CSMD1: variants seen among roughly 807,000 people sequenced by gnomAD.
CSMD1 encodes the protein CUB and sushi domain-containing protein 1.
In CSMD1, 213 loss-of-function variants were observed where a neutral mutation model predicts 417.5. The ratio of observed to expected loss-of-function variants is 0.51; its 90% CI spans 0.46 to 0.57. The LOEUF (loss-of-function observed/expected upper bound fraction) is 0.57. CSMD1 is among the 20% of genes least tolerant of loss of function. CSMD1 has a pLI of 0.00. For synonymous variants in CSMD1, 2,862 were observed against 1,736.8 expected, an observed-to-expected ratio of 1.65 and a Z score of -16.11; for missense variants, 6,923 against 4,529.7, an observed-to-expected ratio of 1.53 and a Z score of -15.17.
chr8:3,881,363 C>G lies in CSMD1; in HGVS notation c.818+116540G>C, dbSNP rs144497493. Among the ~76,000 whole-genome samples, 3 of 150,996 alleles carry G rather than the reference C, an allele frequency of 2.0e-5. No individual in the cohort carries two copies. In the Middle Eastern group the frequency reaches 0.01, roughly 514 times the overall value. On this transcript the variant is annotated intron_variant, in intron 5 of 69. Transcript: ENST00000635120. The stretch of plus-strand genomic sequence containing the variant: ...ATAAAAAGCAAGTTGGGGCCGGGTG[C>G]GGTGGCTTATGCCTATAATCCCAGC...
At position 3,464,302 on chromosome 8, in the gene CSMD1, G is replaced by A. The variant is rs538066063; in HGVS notation, c.1561+4410C>T. 2.7e-4 allele frequency among the ~76,000 whole-genome samples: 41 copies of A among 152,202 alleles called. 1 individual carries two copies. In the South Asian group the frequency reaches 7.1e-3, roughly 26 times the overall value. On this transcript the variant is annotated intron_variant, in intron 12 of 69. Transcript: ENST00000635120. ...GTGGGACCACTACAATAGCAAACAT[G>A]TAATTGCTTATAAAAATATCCAGGG...
At chr8:3,170,278 G>T (rs150787348) in intron 37 of CSMD1, among the ~76,000 whole-genome samples, 4,345 of 152,236 alleles carry the variant, frequency 0.029, 264 homozygotes, top group East Asian at 0.19. Context: ...TGTGATCTTG[G>T]CTCACTGCAA....
intron 3 of CSMD1, among the ~76,000 whole-genome samples, chr8:4,330,139 T>C (rs1799784946): frequency 6.6e-6 from 1 of 151,788 alleles, no homozygotes. Context: ...GACTTCACAA[T>C]GAGTAGTATC....
At chr8:3,264,522 G>A (rs927333681) in intron 26 of CSMD1, among the ~76,000 whole-genome samples, 2 of 152,150 alleles carry the variant, frequency 1.3e-5, no homozygotes, top group African/African-American at 4.8e-5. Flanking sequence ...ACTGCACACT[G>A]AATCATTTAC....
intron 1 of CSMD1, among the ~76,000 whole-genome samples, chr8:4,688,035 A>G (rs1806502201): frequency 6.6e-6 from 1 of 152,060 alleles, no homozygotes; most frequent in African/African-American, 2.4e-5. Flanking sequence ...CCATTTTTAG[A>G]TGATATCTAA....
At chr8:4,788,516 T>G in intron 1 of CSMD1, 1 of 1,415,592 alleles carries the variant, frequency 7.1e-7, no homozygotes, top group Non-Finnish European at 9.9e-7. Context: ...GAGCAAACTG[T>G]GAGCAAGCAT....
chr8:4,751,339 C>T lies in CSMD1; in HGVS notation c.86-113781G>A, dbSNP rs370298319. On this transcript the variant is annotated intron_variant, in intron 1 of 69. Coordinates refer to ENST00000635120, the MANE Select transcript of CSMD1 (RefSeq NM_033225.6). ...AGTGGAGGTTGCAGTGAGAGTGAGC[C>T]GAGATAGCGCCACTGCACTCCAGCC... 7.3e-5 allele frequency among the ~76,000 whole-genome samples: 11 copies of T among 151,586 alleles called. No homozygotes were observed. In the East Asian group the frequency reaches 7.9e-4, roughly 11 times the overall value.
chr8:4,634,709 G>T (rs1335865213), intron 2 of CSMD1, among the ~76,000 whole-genome samples: 1 of 152,172 alleles, frequency 6.6e-6, no homozygotes, highest in South Asian at 2.1e-4. Context: ...AATAGCATTA[G>T]AGTGCTCCCT....
chr8:3,048,703 C>T (rs986495085), intron 50 of CSMD1, among the ~76,000 whole-genome samples: 3 of 151,512 alleles, frequency 2.0e-5, no homozygotes, highest in African/African-American at 7.3e-5. Context: ...AAAACAGAGG[C>T]AGGATGCATT....
chr8:3,026,974 C>G (rs1034782658), intron 51 of CSMD1, among the ~76,000 whole-genome samples: 2 of 151,926 alleles, frequency 1.3e-5, no homozygotes, highest in Non-Finnish European at 1.5e-5. Context: ...GAGGAGAAAG[C>G]GGCCATTAAG....
At chr8:4,806,918 C>A (rs1016778355) in intron 1 of CSMD1, among the ~76,000 whole-genome samples, 3 of 152,172 alleles carry the variant, frequency 2.0e-5, no homozygotes, top group African/African-American at 7.2e-5. Context: ...AGTACAGATG[C>A]ATGCCTGCGC....
chr8:3,428,240 G>A (rs1025342470), intron 12 of CSMD1, among the ~76,000 whole-genome samples: 2 of 151,850 alleles, frequency 1.3e-5, no homozygotes, highest in African/African-American at 2.4e-5. Context: ...AACACTCGAG[G>A]AAGGGGGGAC....
At chr8:4,471,163 G>A (rs535004458) in intron 2 of CSMD1, among the ~76,000 whole-genome samples, 9 of 152,148 alleles carry the variant, frequency 5.9e-5, no homozygotes, top group African/African-American at 1.9e-4. Flanking sequence ...CACATGCCAG[G>A]CCTTACTGGA....
At chr8:4,607,873 C>G (rs1190996821) in intron 2 of CSMD1, among the ~76,000 whole-genome samples, 1 of 152,194 alleles carries the variant, frequency 6.6e-6, no homozygotes. Context: ...TTTTCTGACT[C>G]TTCCTTGAAT....
intron 2 of CSMD1, among the ~76,000 whole-genome samples, chr8:4,573,931 A>C (rs1421307147): frequency 6.6e-6 from 1 of 152,098 alleles, no homozygotes; most frequent in African/African-American, 2.4e-5. Flanking sequence ...GTGAGGGGGA[A>C]ACCACCTACT....
intron 29 of CSMD1, among the ~76,000 whole-genome samples, chr8:3,217,878 A>T (rs552387004): frequency 1.1e-4 from 16 of 152,144 alleles, no homozygotes; most frequent in Non-Finnish European, 4.4e-5. Context: ...CACAAATTGA[A>T]CTCAAAAGTG....
intron 3 of CSMD1, among the ~76,000 whole-genome samples, chr8:4,399,899 C>T (rs921582204): frequency 6.6e-6 from 1 of 152,146 alleles, no homozygotes; most frequent in Non-Finnish European, 1.5e-5. Context: ...TCATTTTAAG[C>T]TCTCATGAGA....
At chr8:4,809,815 A>G (rs1455764943) in intron 1 of CSMD1, among the ~76,000 whole-genome samples, 2 of 152,172 alleles carry the variant, frequency 1.3e-5, no homozygotes, top group African/African-American at 2.4e-5. Flanking sequence ...CTTCTAGTAC[A>G]TATCATTGTG....
intron 2 of CSMD1, among the ~76,000 whole-genome samples, chr8:4,496,284 G>A (rs1801973130): frequency 6.6e-6 from 1 of 152,160 alleles, no homozygotes; most frequent in Admixed American, 6.6e-5. Flanking sequence ...GGGATAAGGT[G>A]GATTGAAGTG....
Sources: allele counts gnomAD v4.1 joint callset (sites outside exome capture counted in the v4.1 genomes callset), GRCh38; gene constraint gnomAD v4.1.1; transcripts MANE v1.5; gene names NCBI Gene and HGNC (gene_info 2026-07-23, HGNC 2026-07-21).